Variants in PIEZO2 observed in about 807,000 individuals in gnomAD.
PIEZO2 encodes the protein piezo type mechanosensitive ion channel component 2.
Under a neutral mutation model 337.3 loss-of-function variants are expected in PIEZO2, and 172 were observed. That is an observed-to-expected ratio of 0.51 (90% CI 0.45 to 0.58). The LOEUF (loss-of-function observed/expected upper bound fraction) is 0.58. Ranked by LOEUF, PIEZO2 falls within the 20% of genes least tolerant of loss-of-function variation. The pLI is 0.00. For synonymous variants in PIEZO2, 1,251 were observed against 1,228.5 expected, an observed-to-expected ratio of 1.02 and a Z score of -0.38; for missense variants, 3,028 against 3,391.3, an observed-to-expected ratio of 0.89 and a Z score of 2.66.
rs2040745908 is a variant in PIEZO2, at chr18:10,828,446, C to G, written c.918-21172G>C. Reference sequence around the variant, plus strand: ...GGTTGGGGATTTTGGTGCATTTTAACAGCTTCTTCAATTAAGGGATTCATG... The same window carrying G: ...GGTTGGGGATTTTGGTGCATTTTAAGAGCTTCTTCAATTAAGGGATTCATG... On this transcript the variant is annotated intron_variant, in intron 7 of 55. Transcript: ENST00000674853. This position sits in a 1 kb window ranked among gnomAD's most constrained non-coding sequence, Gnocchi z 4.1. Among the ~76,000 whole-genome samples the G allele has an allele frequency of 6.6e-6, 1 of 152,102 alleles. No homozygotes were observed. The highest frequency in any genetic ancestry group is 6.6e-5 in the Admixed American group (1 of 15,256).
In PIEZO2 at chr18:11,102,098, A is replaced by G. The variant is rs1438232131; in HGVS notation, c.65-35876T>C. ...CCCTTTTTCAAAATGCTGAAAGGATAGACCAAAACCCTTCTAAACTAAGAA... is the reference window on the plus strand; with the variant it reads ...CCCTTTTTCAAAATGCTGAAAGGATGGACCAAAACCCTTCTAAACTAAGAA... On this transcript the variant is annotated intron_variant, in intron 1 of 55. Coordinates refer to ENST00000674853, the MANE Select transcript of PIEZO2 (RefSeq NM_001378183.1). This position sits in a 1 kb window ranked among gnomAD's most constrained non-coding sequence, Gnocchi z 5.7. 6.6e-6 allele frequency among the ~76,000 whole-genome samples: 1 copy of G among 152,232 alleles called. No individual in the cohort carries two copies. Among genetic ancestry groups the G allele is most frequent in the Non-Finnish European group, 1.5e-5 (1 of 68,050 alleles).
At chr18:10,761,425 CA>C (rs1044072535) in intron 23 of PIEZO2, among the ~76,000 whole-genome samples, 51 of 152,158 alleles carry the variant, frequency 3.4e-4, no homozygotes, top group Non-Finnish European at 2.8e-4. Context: ...GAGGGCAGTT[CA>C]GCCTTGTTTG....
chr18:10,744,890 G>A (rs1016529396), intron 30 of PIEZO2, among the ~76,000 whole-genome samples: 2 of 152,154 alleles, frequency 1.3e-5, no homozygotes, highest in South Asian at 2.1e-4. Flanking sequence ...CAGTGTGCCC[G>A]CCCTGTCCTG....
At chr18:11,011,423 G>T (rs2035897131) in intron 2 of PIEZO2, among the ~76,000 whole-genome samples, 2 of 152,092 alleles carry the variant, frequency 1.3e-5, no homozygotes, top group Admixed American at 6.5e-5. Flanking sequence ...AAGCCAAAAT[G>T]CATGTTAATC....
chr18:10,770,016 T>A, intron 21 of PIEZO2, 132 bp downstream of exon 21: 2 of 944,784 alleles, frequency 2.1e-6, no homozygotes. Context: ...TAAGTGTAAG[T>A]ACTTAGTCTT....
intron 2 of PIEZO2, among the ~76,000 whole-genome samples, chr18:11,029,509 A>G (rs2036654307): frequency 1.3e-5 from 2 of 152,142 alleles, no homozygotes; most frequent in South Asian, 2.1e-4. Context: ...TCAGGCTCAG[A>G]TGGATCTTTC....
chr18:11,077,590 G>T lies in PIEZO2; in HGVS notation c.65-11368C>A, dbSNP rs915810435. ...CATGGGAGACTGAGGTGGGAGGATT[G>T]CTTGAGCCCAGGAGTTCGAGGCTGC... On this transcript the variant is annotated intron_variant, in intron 1 of 55. Transcript: ENST00000674853. The surrounding 1 kb of genome is among the most constrained non-coding windows in gnomAD (Gnocchi z 4.8). Among the ~76,000 whole-genome samples the T allele has an allele frequency of 1.3e-5, 2 of 152,168 alleles. No homozygotes were observed. Among genetic ancestry groups the T allele is most frequent in the Non-Finnish European group, 2.9e-5 (2 of 68,026 alleles).
chr18:10,681,993 A>T (rs887159355), intron 50 of PIEZO2, 111 bp downstream of exon 50: 2 of 1,106,980 alleles, frequency 1.8e-6, no homozygotes, highest in African/African-American at 3.2e-5. Flanking sequence ...TGAGCAGTCA[A>T]ATGCCGACAG....
Position 10,940,312 on chromosome 18 carries a change from C to T in PIEZO2, c.287-29084G>A, listed in dbSNP as rs1042536867. On this transcript the variant is annotated intron_variant, in intron 3 of 55. Transcript: ENST00000674853. The surrounding 1 kb of genome is among the most constrained non-coding windows in gnomAD (Gnocchi z 5.3). ...AGTGAGCTCTTCCTCTTCACCCTAA[C>T]AGATTAGCACCTTTTAGTTAAGTAC... is the stretch of plus-strand genomic sequence containing the variant. 6.6e-6 allele frequency among the ~76,000 whole-genome samples: 1 copy of T among 152,224 alleles called. No homozygotes were observed. The highest frequency in any genetic ancestry group is 1.5e-5 in the Non-Finnish European group (1 of 68,040).
rs532429559 is a variant in PIEZO2, at chr18:11,128,292, T to C, written c.64+20233A>G. 1.7e-3 allele frequency among the ~76,000 whole-genome samples: 259 copies of C among 152,238 alleles called. 1 individual carries two copies. The highest frequency in any genetic ancestry group is 5.9e-3 in the African/African-American group (245 of 41,532). ...AAGATTGCCTTGAGTGAGAGTCTTA[T>C]CTCCTTAGAGAAAGAGCTGAAATTG... On this transcript the variant is annotated intron_variant, in intron 1 of 55. Transcript: ENST00000674853. The surrounding 1 kb of genome is among the most constrained non-coding windows in gnomAD (Gnocchi z 4.1).
At chr18:10,762,796 C>T (rs1046216984) in intron 22 of PIEZO2, 126 bp downstream of exon 22, 3 of 1,338,940 alleles carry the variant, frequency 2.2e-6, no homozygotes, top group South Asian at 1.5e-5. Context: ...CAGAGCACGA[C>T]CAGCCAGGGA....
Position 10,682,473 on chromosome 18 carries a change from G to A in PIEZO2, c.7498-181C>T, listed in dbSNP as rs1254043958. 6.6e-6 allele frequency among the ~76,000 whole-genome samples: 1 copy of A among 152,192 alleles called. No homozygotes were observed. Among genetic ancestry groups the A allele is most frequent in the Non-Finnish European group, 1.5e-5 (1 of 68,044 alleles). ...TTGTCCCAATCTCGAAATGAAGTTA[G>A]GTAGTGATGTGAAGCTGTCCTGAGG... On this transcript the variant is annotated intron_variant, in intron 49 of 55. Transcript: ENST00000674853. The surrounding 1 kb of genome is among the most constrained non-coding windows in gnomAD (Gnocchi z 5.6).
chr18:10,823,536 A>T (rs1389077770), intron 7 of PIEZO2, among the ~76,000 whole-genome samples: 1 of 152,208 alleles, frequency 6.6e-6, no homozygotes, highest in Non-Finnish European at 1.5e-5. Flanking sequence ...TATTTTGGTG[A>T]ATGCTTGAAG....
At position 10,993,182 on chromosome 18, in the gene PIEZO2, T is replaced by G. The variant is rs2035174897; in HGVS notation, c.161-13522A>C. ...ATGTCATCTGCAAACAGAGACACTT[T>G]GACTTCCTCTTTTCCTATTTGAATA... is the stretch of plus-strand genomic sequence containing the variant. On this transcript the variant is annotated intron_variant, in intron 2 of 55. Coordinates refer to ENST00000674853, the MANE Select transcript of PIEZO2 (RefSeq NM_001378183.1). This position sits in a 1 kb window ranked among gnomAD's most constrained non-coding sequence, Gnocchi z 5.0. 6.6e-6 allele frequency among the ~76,000 whole-genome samples: 1 copy of G among 152,216 alleles called. No individual in the cohort carries two copies. Among genetic ancestry groups the G allele is most frequent in the Non-Finnish European group, 1.5e-5 (1 of 68,042 alleles).
chr18:10,771,164 C>T (rs11876884), intron 20 of PIEZO2, among the ~76,000 whole-genome samples: 4,280 of 152,344 alleles, frequency 0.028, 199 homozygotes, highest in African/African-American at 0.097. Context: ...CTGTCTCCTT[C>T]GACAAGGCTT....
rs1208722030 is a variant in PIEZO2, at chr18:11,099,810, G to C, written c.65-33588C>G. Among the ~76,000 whole-genome samples, 1 of 152,090 alleles carries C rather than the reference G, an allele frequency of 6.6e-6. No homozygotes were observed. The highest frequency in any genetic ancestry group is 2.4e-5 in the African/African-American group (1 of 41,430). Reference sequence around the variant, plus strand: ...TTTTCTTTTTATTTGATTCATTAGTGATTTGTATATCTTCTTTTGTAAGTT... The same window carrying C: ...TTTTCTTTTTATTTGATTCATTAGTCATTTGTATATCTTCTTTTGTAAGTT... On this transcript the variant is annotated intron_variant, in intron 1 of 55. Coordinates refer to ENST00000674853, the MANE Select transcript of PIEZO2 (RefSeq NM_001378183.1). The surrounding 1 kb of genome is among the most constrained non-coding windows in gnomAD (Gnocchi z 5.4).
At chr18:10,871,144 A>G (rs768350635) in intron 5 of PIEZO2, 109 bp downstream of exon 5, 3 of 1,151,148 alleles carry the variant, frequency 2.6e-6, no homozygotes, top group Non-Finnish European at 2.4e-6. Context: ...AAGCACTGTG[A>G]ATCATAACGT....
chr18:11,136,321 GA>G (rs1307691714), intron 1 of PIEZO2, among the ~76,000 whole-genome samples: 4 of 152,226 alleles, frequency 2.6e-5, no homozygotes, highest in Non-Finnish European at 5.9e-5. Flanking sequence ...GGTTGTTAGT[GA>G]AAAATCCTAG....
chr18:10,696,228 A>C lies in PIEZO2; in HGVS notation c.7036T>G (p.Phe2346Val). 6.2e-7 allele frequency: 1 copy of C among 1,614,114 alleles called. No homozygotes were observed. The highest frequency in any genetic ancestry group is 8.5e-7 in the Non-Finnish European group (1 of 1,180,002). Residue 2346 changes from phenylalanine to valine, a missense_variant, in exon 47 of 56, where the codon TTT becomes GTT. By Grantham distance (50) the Phe-to-Val change is conservative. Coordinates refer to ENST00000674853, the MANE Select transcript of PIEZO2 (RefSeq NM_001378183.1). ...SLSEDQVPGP[F>V]LVMVLIQFGT... is the part of the protein sequence containing the mutation. The stretch of plus-strand genomic sequence containing the variant: ...AACTGAATGAGGACCATCACCAAAA[A>C]CGGCCCCGGGACCTGGTCCTCTGAC...
Sources: allele counts gnomAD v4.1 joint callset (sites outside exome capture counted in the v4.1 genomes callset), GRCh38; gene constraint gnomAD v4.1.1; non-coding constraint Gnocchi (gnomAD v3.1); transcripts MANE v1.5; gene names NCBI Gene and HGNC (gene_info 2026-07-23, HGNC 2026-07-21).